The following CEP250 variants were observed in gnomAD, a reference collection of about 807,000 sequenced individuals.
CEP250 encodes centrosomal protein 250, also known as centrosome-associated protein CEP250.
A neutral mutation model predicts 315.7 loss-of-function variants in CEP250; 242 were observed. The observed-to-expected ratio is 0.77, with a 90% CI of 0.69 to 0.85. The LOEUF (loss-of-function observed/expected upper bound fraction) is 0.85. Among genes scored for constraint, CEP250 ranks in the 40% least tolerant of loss-of-function variants. The pLI is 0.00. For missense variants in CEP250, 2,515 were observed against 2,886.4 expected (o/e 0.87, Z 2.95); for synonymous variants, 1,088 against 1,175.0 (o/e 0.93, Z 1.51).
chr20:35,498,427 G>A (rs1369879260), intron 26 of CEP250, among the ~76,000 whole-genome samples, 168 bp from the exon 27 acceptor site: 1 of 152,242 alleles, frequency 6.6e-6, no homozygotes, highest in Non-Finnish European at 1.5e-5. Context: ...ACCCACCATA[G>A]TGCCTGGCCC....
At chr20:35,476,394 T>C (rs2063173841) in intron 15 of CEP250, 55 bp from the exon 16 acceptor site, 3 of 1,558,336 alleles carry the variant, frequency 1.9e-6, no homozygotes, top group Non-Finnish European at 1.8e-6. Context: ...GTGAACTGTT[T>C]ACTGTTCCAG....
intron 20 of CEP250, 128 bp from the exon 21 acceptor site, chr20:35,490,509 A>G (rs2063655963): frequency 4.6e-6 from 3 of 649,414 alleles, no homozygotes; most frequent in South Asian, 3.1e-5. Flanking sequence ...AGATGAGGCA[A>G]CAGGCTTAGA....
intron 20 of CEP250, among the ~76,000 whole-genome samples, chr20:35,485,177 A>G (rs923167590): frequency 1.3e-5 from 2 of 152,074 alleles, no homozygotes; most frequent in Admixed American, 6.5e-5. Flanking sequence ...GTTCAAGACC[A>G]GTCTGGCCAA....
chr20:35,482,076 G>C (rs2063362524), intron 20 of CEP250, among the ~76,000 whole-genome samples: 1 of 152,060 alleles, frequency 6.6e-6, no homozygotes, highest in South Asian at 2.1e-4. Flanking sequence ...TAGATAGATA[G>C]ATAGATAGAT....
At chr20:35,511,237 G>T in intron 34 of CEP250, 126 bp from the exon 35 acceptor site, 1 of 741,544 alleles carries the variant, frequency 1.3e-6, no homozygotes, top group Non-Finnish European at 2.2e-6. Context: ...TCTGAGATTC[G>T]TGTATGTGGT....
At chr20:35,496,520 A>G in intron 24 of CEP250, 57 bp from the exon 25 acceptor site, 1 of 1,470,540 alleles carries the variant, frequency 6.8e-7, no homozygotes, top group Non-Finnish European at 9.3e-7. Flanking sequence ...TCAGATGAGA[A>G]GGTAATTTTT....
At position 35,474,108 on chromosome 20, in the gene CEP250, C is replaced by T. The variant is rs191845150; in HGVS notation, c.1571+56C>T. 1.8e-3 allele frequency: 2,473 copies of T among 1,371,766 alleles called. 28 individuals carry two copies. The highest frequency in any genetic ancestry group is 4.7e-4 in the Non-Finnish European group (485 of 1,029,286). The allele number at this position is 1,371,766 out of a possible 1,614,324, so 85.0% of individuals were successfully genotyped here. On this transcript the variant is annotated intron_variant, in intron 14 of 34. Coordinates refer to ENST00000397527, the MANE Select transcript of CEP250 (RefSeq NM_007186.6). ...CCCTGGTCTTTCTTCAATTCTACAC[C>T]CTCCCCGTCTACTCCCCTCTGTTAC...
chr20:35,485,683 G>A (rs1489959475), intron 20 of CEP250, among the ~76,000 whole-genome samples: 1 of 98,672 alleles, frequency 1.0e-5, no homozygotes, highest in African/African-American at 3.7e-5. Flanking sequence ...TTTTGAGACA[G>A]GGTCTTGCTC....
At chr20:35,485,826 T>TG (rs1404866282) in intron 20 of CEP250, among the ~76,000 whole-genome samples, 1 of 146,254 alleles carries the variant, frequency 6.8e-6, no homozygotes, top group African/African-American at 2.5e-5. Context: ...GGCTAAGTTT[T>TG]TTTTTTTTTT....
At chr20:35,508,263 A>T (rs2064251728) in intron 32 of CEP250, 73 bp downstream of exon 32, 1 of 1,510,092 alleles carries the variant, frequency 6.6e-7, no homozygotes, top group East Asian at 2.3e-5. Flanking sequence ...GGCTCAGTAA[A>T]TTACAGCCTG....
At chr20:35,494,380 G>T in intron 23 of CEP250, 144 bp from the exon 24 acceptor site, 1 of 1,053,782 alleles carries the variant, frequency 9.5e-7, no homozygotes, top group African/African-American at 1.6e-5. Context: ...AGAACAGTGT[G>T]TAGGAATTGG....
intron 4 of CEP250, 28 bp downstream of exon 4, chr20:35,462,581 G>T: frequency 6.4e-7 from 1 of 1,557,648 alleles, no homozygotes; most frequent in South Asian, 1.2e-5. Flanking sequence ...TTGGGGAGGG[G>T]AAAGAGAACA....
intron 24 of CEP250, among the ~76,000 whole-genome samples, chr20:35,496,223 G>A (rs555201219): frequency 1.1e-3 from 163 of 152,244 alleles, no homozygotes; most frequent in Non-Finnish European, 2.1e-3. Context: ...TGCAATCCCA[G>A]CTACTCTGGA....
At chr20:35,497,528 C>T (rs2063873091) in intron 25 of CEP250, among the ~76,000 whole-genome samples, 191 bp from the exon 26 acceptor site, 2 of 151,564 alleles carry the variant, frequency 1.3e-5, no homozygotes, top group Admixed American at 1.3e-4. Context: ...GTTCAGTAGT[C>T]GGCAGGCAGC....
In CEP250 at chr20:35,479,202, T is replaced by C. The variant is rs925633290; in HGVS notation, c.2095-29T>C. ...GGCCCCAGGGGAATCCAGCCTCTGC[T>C]CCATCTCTCACCACATTCTTCCCCT... On this transcript the variant is annotated intron_variant, in intron 17 of 34. Transcript: ENST00000397527. The C allele has an allele frequency of 3.1e-6, 5 of 1,605,076 alleles. No individual in the cohort carries two copies. The African/African-American group carries it at 4.0e-5, about 13-fold the overall frequency.
intron 32 of CEP250, 85 bp from the exon 33 acceptor site, chr20:35,508,858 G>A: frequency 9.1e-7 from 1 of 1,092,948 alleles, no homozygotes; most frequent in Non-Finnish European, 1.3e-6. Context: ...TACCTGCACA[G>A]GCACTGGCCA....
chr20:35,517,104 GC>G lies in CEP250; in HGVS notation c.*5479del. 1 of 792,436 alleles carries G rather than the reference GC, an allele frequency of 1.3e-6. No homozygotes were observed. The highest frequency in any genetic ancestry group is 1.5e-6 in the Non-Finnish European group (1 of 653,784). The allele number at this position is 792,436 out of a possible 1,614,324, so 49.1% of individuals were successfully genotyped here. Reference sequence around the variant, plus strand: ...GCCTCCATCCCTTCCTCAACCGTCCGCAGAACACCTCCTTCCAGCACCTTAG... The same window carrying G: ...GCCTCCATCCCTTCCTCAACCGTCCGAGAACACCTCCTTCCAGCACCTTAG... On this transcript the variant is annotated 3_prime_UTR_variant, in exon 35 of 35. Coordinates refer to ENST00000397527, the MANE Select transcript of CEP250 (RefSeq NM_007186.6).
chr20:35,479,211 C>T lies in CEP250; in HGVS notation c.2095-20C>T. On this transcript the variant is annotated intron_variant, in intron 17 of 34. Coordinates refer to ENST00000397527, the MANE Select transcript of CEP250 (RefSeq NM_007186.6). Reference sequence around the variant, plus strand: ...GGAATCCAGCCTCTGCTCCATCTCTCACCACATTCTTCCCCTCAGTCACGT... The same window carrying T: ...GGAATCCAGCCTCTGCTCCATCTCTTACCACATTCTTCCCCTCAGTCACGT... The T allele has an allele frequency of 6.2e-7, 1 of 1,609,730 alleles. No homozygotes were observed. Among genetic ancestry groups the T allele is most frequent in the Non-Finnish European group, 8.5e-7 (1 of 1,177,514 alleles).
chr20:35,467,941 C>CTTT (rs1421312559), intron 9 of CEP250, among the ~76,000 whole-genome samples: 2 of 118,446 alleles, frequency 1.7e-5, no homozygotes, highest in African/African-American at 7.7e-5. Context: ...CAAATATTAC[C>CTTT]TCTTTTTTTT....
Sources: allele counts gnomAD v4.1 joint callset (sites outside exome capture counted in the v4.1 genomes callset), GRCh38; gene constraint gnomAD v4.1.1; transcripts MANE v1.5; gene names NCBI Gene and HGNC (gene_info 2026-07-23, HGNC 2026-07-21).